Variants in LRRK2 observed in about 807,000 individuals in gnomAD.
LRRK2 encodes leucine-rich repeat serine/threonine-protein kinase 2.
LRRK2 carries 203 observed loss-of-function variants against 302.6 expected under a neutral mutation model. The observed-to-expected ratio is 0.67, with a 90% CI of 0.60 to 0.75. LRRK2 has a LOEUF of 0.75. LRRK2 is among the 30% of genes least tolerant of loss of function. LRRK2 has a pLI of 0.00. For missense variants in LRRK2, 2,830 were observed against 2,951.0 expected (o/e 0.96, Z 0.95); for synonymous variants, 1,066 against 1,031.9 (o/e 1.03, Z -0.63).
chr12:40,310,680 T>G (rs1182564611), intron 31 of LRRK2, 31 bp downstream of exon 31: 1 of 1,601,226 alleles, frequency 6.2e-7, no homozygotes, highest in Non-Finnish European at 8.6e-7. Flanking sequence ...AGAAATGTAA[T>G]TTATTGATTC....
chr12:40,282,407 A>G (rs1943749444), intron 18 of LRRK2, among the ~76,000 whole-genome samples: 1 of 152,066 alleles, frequency 6.6e-6, no homozygotes, highest in Non-Finnish European at 1.5e-5. Flanking sequence ...TGCTACATTA[A>G]ATGAAATGGA....
intron 18 of LRRK2, among the ~76,000 whole-genome samples, chr12:40,280,257 T>C (rs1025548256): frequency 1.3e-5 from 2 of 150,772 alleles, no homozygotes; most frequent in Admixed American, 6.6e-5. Flanking sequence ...CGAGACCAAC[T>C]TGAGAAACAT....
chr12:40,345,622 CA>C (rs144415226), intron 41 of LRRK2, among the ~76,000 whole-genome samples: 4,366 of 67,128 alleles, frequency 0.065, 53 homozygotes, highest in African/African-American at 0.18. Flanking sequence ...GACTCCATCT[CA>C]AAAAAAAAAA....
At chr12:40,323,797 A>G (rs1945468103) in intron 38 of LRRK2, among the ~76,000 whole-genome samples, 1 of 87,224 alleles carries the variant, frequency 1.1e-5, no homozygotes, top group Non-Finnish European at 2.3e-5. Flanking sequence ...ATACTCAAAT[A>G]CTTTTTTTTT....
In LRRK2 at chr12:40,340,359, T is replaced by TA; in HGVS notation, c.6014_6015insA (p.Tyr2006ValfsTer12). 6.2e-7 allele frequency: 1 copy of TA among 1,613,934 alleles called. No homozygotes were observed. The highest frequency in any genetic ancestry group is 1.1e-5 in the South Asian group (1 of 91,076). ...CCCCACAATGTGCTGCTTTTCACAC[T>TA]GTATCCCAATGCTGCCATCATTGCA... is the stretch of plus-strand genomic sequence containing the variant. On this transcript the variant is annotated frameshift_variant, in exon 41 of 51. Coordinates refer to ENST00000298910, the MANE Select transcript of LRRK2 (RefSeq NM_198578.4). LOFTEE classifies it high-confidence loss of function.
chr12:40,303,133 T>A (rs1944690317), intron 26 of LRRK2, among the ~76,000 whole-genome samples: 1 of 152,154 alleles, frequency 6.6e-6, no homozygotes, highest in Non-Finnish European at 1.5e-5. Context: ...TGTATTAGTA[T>A]AATGAAATGA....
chr12:40,261,904 TC>T (rs1942792984), intron 13 of LRRK2, among the ~76,000 whole-genome samples: 1 of 152,196 alleles, frequency 6.6e-6, no homozygotes. Context: ...CTGTACTTTT[TC>T]TCTTCTACTT....
chr12:40,312,189 T>G (rs1275499708), intron 31 of LRRK2, among the ~76,000 whole-genome samples: 3 of 152,176 alleles, frequency 2.0e-5, no homozygotes, highest in African/African-American at 7.2e-5. Context: ...ATAGATATCA[T>G]TACCAATAAG....
intron 33 of LRRK2, among the ~76,000 whole-genome samples, chr12:40,319,200 C>T (rs1258985332): frequency 1.3e-5 from 2 of 151,990 alleles, no homozygotes; most frequent in Non-Finnish European, 2.9e-5. Context: ...ATGTACTTTG[C>T]GTACTTTACA....
chr12:40,364,905 A>T lies in LRRK2; in HGVS notation c.7245A>T (p.Lys2415Asn). The change falls in exon 49 of 51, where the codon AAA becomes AAT. Residue 2415 changes from lysine (K) to asparagine (N), a missense_variant. Physicochemically the swap from Lys to Asn is moderately conservative, Grantham distance 94. This residue lies in a region of LRRK2 where 456 missense variants were observed against 456.3 expected (regional missense o/e 1.00). Coordinates refer to ENST00000298910, the MANE Select transcript of LRRK2 (RefSeq NM_198578.4). ...KHKMSYSGRVKTLCLQKNTAL... is the reference protein window; with the variant it reads ...KHKMSYSGRVNTLCLQKNTAL... ...AAATGTCTTATTCTGGGAGAGTGAA[A>T]ACCCTCTGCCTTCAGAAGAACACTG... 6.2e-7 allele frequency: 1 copy of T among 1,612,454 alleles called. No homozygotes were observed. Among genetic ancestry groups the T allele is most frequent in the Middle Eastern group, 1.7e-4 (1 of 6,052 alleles).
At chr12:40,255,376 A>G (rs184426488) in intron 11 of LRRK2, among the ~76,000 whole-genome samples, 8 of 152,270 alleles carry the variant, frequency 5.3e-5, no homozygotes, top group African/African-American at 1.9e-4. Flanking sequence ...AAAGCAGTTA[A>G]TTTCCTGTTA....
intron 41 of LRRK2, among the ~76,000 whole-genome samples, chr12:40,345,454 C>A (rs1946162211): frequency 6.6e-6 from 1 of 151,558 alleles, no homozygotes; most frequent in Admixed American, 6.6e-5. Context: ...GAAACCCTGT[C>A]ACTACTAAAA....
rs1410756602 is a variant in LRRK2, at chr12:40,299,120, C to T, written c.3359C>T (p.Ser1120Leu). The T allele has an allele frequency of 1.9e-6, 3 of 1,612,192 alleles. No homozygotes were observed. The highest frequency in any genetic ancestry group is 1.7e-5 in the Admixed American group (1 of 59,826). ...EQLILEGNKI[S>L]GICSPLRLKE... ...TCTCTTGTGACTAGAAATAAAATAT[C>T]AGGGATATGCTCCCCCTTGAGACTG... The change falls in exon 25 of 51, where the codon TCA becomes TTA. Residue 1120 changes from serine to leucine, a missense_variant. This residue lies in a region of LRRK2 where 2,121 missense variants were observed against 2,148.0 expected (regional missense o/e 0.99). Coordinates refer to ENST00000298910, the MANE Select transcript of LRRK2 (RefSeq NM_198578.4).
At chr12:40,309,289 T>C in intron 30 of LRRK2, 56 bp downstream of exon 30, 1 of 1,553,670 alleles carries the variant, frequency 6.4e-7, no homozygotes, top group Non-Finnish European at 8.8e-7. Flanking sequence ...TGTGTGCGTG[T>C]GTGTGTGTGT....
At chr12:40,250,109 T>G (rs1229654509) in intron 8 of LRRK2, among the ~76,000 whole-genome samples, 164 bp downstream of exon 8, 2 of 152,250 alleles carry the variant, frequency 1.3e-5, no homozygotes, top group Admixed American at 1.3e-4. Flanking sequence ...CTAACAGTTG[T>G]GACAAATATA....
chr12:40,351,342 T>C (rs1946345607), intron 43 of LRRK2, among the ~76,000 whole-genome samples, 197 bp from the exon 44 acceptor site: 1 of 152,218 alleles, frequency 6.6e-6, no homozygotes, highest in Non-Finnish European at 1.5e-5. Flanking sequence ...TCAAGCACAG[T>C]TTAAAAATAC....
chr12:40,346,210 G>A (rs574067025), intron 41 of LRRK2, among the ~76,000 whole-genome samples: 8 of 151,640 alleles, frequency 5.3e-5, no homozygotes, highest in Admixed American at 4.6e-4. Flanking sequence ...TTTAGTTGTT[G>A]TTTTTATTTT....
chr12:40,354,791 T>C (rs1022449056), intron 45 of LRRK2, among the ~76,000 whole-genome samples: 2 of 152,038 alleles, frequency 1.3e-5, no homozygotes, highest in African/African-American at 2.4e-5. Context: ...TGAATCTTTG[T>C]AGGGCCTCTT....
intron 8 of LRRK2, among the ~76,000 whole-genome samples, chr12:40,250,763 G>T (rs988121643): frequency 6.6e-6 from 1 of 152,150 alleles, no homozygotes; most frequent in African/African-American, 2.4e-5. Flanking sequence ...GCAGTGTGTG[G>T]TTTTCTCTTC....
Sources: gnomAD v4.1 joint callset for allele counts (sites outside exome capture counted in the v4.1 genomes callset) on GRCh38, gnomAD v4.1.1 for gene constraint, gnomAD v4.1.1 regional missense constraint, MANE v1.5 for transcripts, NCBI Gene and HGNC (gene_info 2026-07-23, HGNC 2026-07-21) for gene names.